The following USP6NL variants were observed in gnomAD, a reference collection of about 807,000 sequenced individuals.
USP6NL encodes USP6 N-terminal-like protein.
USP6NL carries 26 observed loss-of-function variants against 61.9 expected under a neutral mutation model. The ratio of observed to expected loss-of-function variants is 0.42; its 90% CI spans 0.31 to 0.58. The LOEUF (loss-of-function observed/expected upper bound fraction) is 0.58. Ranked by LOEUF, USP6NL falls within the 20% of genes least tolerant of loss-of-function variation. The probability of loss-of-function intolerance (pLI) is 0.16; values close to 1 mark genes in which losing one functional copy is unlikely to be tolerated. For missense variants in USP6NL, 1,114 were observed against 1,034.3 expected (o/e 1.08, Z -1.06); for synonymous variants, 432 against 390.1 (o/e 1.11, Z -1.27).
chr10:11,556,004 G>T (rs923368728), intron 2 of USP6NL, among the ~76,000 whole-genome samples: 1 of 152,104 alleles, frequency 6.6e-6, no homozygotes, highest in African/African-American at 2.4e-5. Context: ...AATAAAAGGG[G>T]TTCTACGAGC....
rs528368257 is a variant in USP6NL at position 11,548,175 on chromosome 10, G to C, written c.5-20608C>G. Reference sequence around the variant, plus strand: ...AACAAAATTAGGCTTTTCCACATGAGAGGCCTGTAAATACAAAACTCTGAC... The same window carrying C: ...AACAAAATTAGGCTTTTCCACATGACAGGCCTGTAAATACAAAACTCTGAC... On this transcript the variant is annotated intron_variant, in intron 2 of 14. Transcript: ENST00000609104. The surrounding 1 kb of genome is among the most constrained non-coding windows in gnomAD (Gnocchi z 4.3). Among the ~76,000 whole-genome samples the C allele has an allele frequency of 1.3e-5, 2 of 152,218 alleles. No individual in the cohort carries two copies. Among genetic ancestry groups the C allele is most frequent in the Admixed American group, 6.5e-5 (1 of 15,282 alleles).
In USP6NL at chr10:11,591,003, A is replaced by G. The variant is rs1300532569; in HGVS notation, c.4+6628T>C. 6.6e-6 allele frequency among the ~76,000 whole-genome samples: 1 copy of G among 152,214 alleles called. No homozygotes were observed. The highest frequency in any genetic ancestry group is 1.5e-5 in the Non-Finnish European group (1 of 68,048). ...ATGAAAATTTTCTCACTGACTTAAC[A>G]GTAAATTTTAAGAGTTAGAAGGCGT... is the stretch of plus-strand genomic sequence containing the variant. On this transcript the variant is annotated intron_variant, in intron 2 of 14. Coordinates refer to ENST00000609104, the MANE Select transcript of USP6NL (RefSeq NM_014688.5). This position sits in a 1 kb window ranked among gnomAD's most constrained non-coding sequence, Gnocchi z 4.7.
intron 6 of USP6NL, among the ~76,000 whole-genome samples, chr10:11,509,280 AGT>A (rs1834595389): frequency 1.3e-5 from 2 of 152,222 alleles, no homozygotes; most frequent in African/African-American, 2.4e-5. Context: ...TGGGGCTGAC[AGT>A]GCAGAAGGCA....
chr10:11,544,013 G>A (rs894389232), intron 2 of USP6NL, among the ~76,000 whole-genome samples: 4 of 151,656 alleles, frequency 2.6e-5, no homozygotes, highest in Non-Finnish European at 5.9e-5. Context: ...GAGTTTCACC[G>A]TGTTAGCCAG....
chr10:11,489,491 G>A lies in USP6NL; in HGVS notation c.544-269C>T, dbSNP rs746914983. Among the ~76,000 whole-genome samples the A allele has an allele frequency of 2.6e-5, 4 of 152,216 alleles. No individual in the cohort carries two copies. The highest frequency in any genetic ancestry group is 6.5e-5 in the Admixed American group (1 of 15,282). On this transcript the variant is annotated intron_variant, in intron 9 of 14. Transcript: ENST00000609104. This position sits in a 1 kb window ranked among gnomAD's most constrained non-coding sequence, Gnocchi z 5.7. ...AATACTGTCACACTTTCTTTAAAGA[G>A]TGATAATATTTATTTCACTTTATGT...
rs895949589 is a variant in USP6NL at position 11,510,397 on chromosome 10, A to T, written c.196-722T>A. Among the ~76,000 whole-genome samples, 24 of 152,250 alleles carry T rather than the reference A, an allele frequency of 1.6e-4. No individual in the cohort carries two copies. Among genetic ancestry groups the T allele is most frequent in the African/African-American group, 5.8e-4 (24 of 41,538 alleles). ...AATGCAATGTGGGAAAGAATGTTCC[A>T]GGCAGCCTTGAGAATGCATGTATTT... On this transcript the variant is annotated intron_variant, in intron 5 of 14. Transcript: ENST00000609104. The surrounding 1 kb of genome is among the most constrained non-coding windows in gnomAD (Gnocchi z 4.8).
At chr10:11,542,127 C>T (rs1836090302) in intron 2 of USP6NL, among the ~76,000 whole-genome samples, 1 of 152,096 alleles carries the variant, frequency 6.6e-6, no homozygotes, top group Admixed American at 6.5e-5. Context: ...ATATAAAGAC[C>T]AGCTTTTCCT....
Position 11,499,636 on chromosome 10 carries a change from G to A in USP6NL, c.384+1465C>T, listed in dbSNP as rs1834088810. ...ACATTCACAGGAGGGAGGATAGCCA[G>A]GTGATAAGGAAGACAGGGATGGAGC... is the stretch of plus-strand genomic sequence containing the variant. On this transcript the variant is annotated intron_variant, in intron 7 of 14. Transcript: ENST00000609104. This position sits in a 1 kb window ranked among gnomAD's most constrained non-coding sequence, Gnocchi z 4.5. Among the ~76,000 whole-genome samples, 1 of 152,302 alleles carries A rather than the reference G, an allele frequency of 6.6e-6. No homozygotes were observed. The highest frequency in any genetic ancestry group is 2.4e-5 in the African/African-American group (1 of 41,564).
At position 11,575,883 on chromosome 10, in the gene USP6NL, T is replaced by A. The variant is rs1336949725; in HGVS notation, c.4+21748A>T. Among the ~76,000 whole-genome samples the A allele has an allele frequency of 6.6e-6, 1 of 152,068 alleles. No homozygotes were observed. The highest frequency in any genetic ancestry group is 1.5e-5 in the Non-Finnish European group (1 of 68,006). Reference sequence around the variant, plus strand: ...ACAAAATGCAAAACAGGATCCCAGATTAGATAGTAGGCCAAAAAGGGTGAG... The same window carrying A: ...ACAAAATGCAAAACAGGATCCCAGAATAGATAGTAGGCCAAAAAGGGTGAG... On this transcript the variant is annotated intron_variant, in intron 2 of 14. Transcript: ENST00000609104. The surrounding 1 kb of genome is among the most constrained non-coding windows in gnomAD (Gnocchi z 4.2).
At chr10:11,524,261 T>C (rs767993279) in intron 4 of USP6NL, among the ~76,000 whole-genome samples, 2 of 152,176 alleles carry the variant, frequency 1.3e-5, no homozygotes, top group Non-Finnish European at 2.9e-5. Context: ...CAGAAGAACA[T>C]TTCAGATAGC....
chr10:11,581,904 C>T (rs1485471641), intron 2 of USP6NL, among the ~76,000 whole-genome samples: 2 of 152,194 alleles, frequency 1.3e-5, no homozygotes, highest in Non-Finnish European at 2.9e-5. Context: ...TCCCCAGTAG[C>T]TGGAATTACA....
intron 7 of USP6NL, among the ~76,000 whole-genome samples, chr10:11,493,859 A>ATCTCTGGGCCTTCTCCTGCCTGTGCG (rs1833804498): frequency 6.8e-6 from 1 of 146,810 alleles, no homozygotes; most frequent in South Asian, 2.2e-4. Context: ...CTGCCTGTGC[A>ATCTCTGGGCCTTCTCCTGCCTGTGCG]GCCTGACCTC....
At position 11,482,004 on chromosome 10, in the gene USP6NL, T is replaced by C. The variant is rs1833218937; in HGVS notation, c.926-82A>G. ...GATATTCTATTATATTCAGGTGTAG[T>C]GTAAAAGGGCATTAAAAAGGGCGCA... On this transcript the variant is annotated intron_variant, in intron 13 of 14. Transcript: ENST00000609104. The surrounding 1 kb of genome is among the most constrained non-coding windows in gnomAD (Gnocchi z 4.0). 2.9e-6 allele frequency: 4 copies of C among 1,384,368 alleles called. No individual in the cohort carries two copies. In the South Asian group the frequency reaches 4.9e-5, roughly 17 times the overall value. 85.8% of individuals were successfully genotyped at this position (1,384,368 alleles called of 1,614,324 possible). A position where few individuals can be genotyped will look rare whatever the true frequency, so the allele number is the denominator to read the frequency against.
At position 11,585,113 on chromosome 10, in the gene USP6NL, A is replaced by T. The variant is rs1231928563; in HGVS notation, c.4+12518T>A. ...CTGTTTTAGAATGATATGATGCAAG[A>T]GAAAATGTAAACAGTGAGTCCATGA... On this transcript the variant is annotated intron_variant, in intron 2 of 14. Transcript: ENST00000609104. The surrounding 1 kb of genome is among the most constrained non-coding windows in gnomAD (Gnocchi z 4.5). Among the ~76,000 whole-genome samples, 1 of 152,238 alleles carries T rather than the reference A, an allele frequency of 6.6e-6. No individual in the cohort carries two copies. The highest frequency in any genetic ancestry group is 1.5e-5 in the Non-Finnish European group (1 of 68,044).
intron 4 of USP6NL, among the ~76,000 whole-genome samples, chr10:11,521,357 T>G (rs999321650): frequency 1.6e-4 from 23 of 147,064 alleles, no homozygotes; most frequent in African/African-American, 5.7e-4. Context: ...TTATATTATA[T>G]ACATATATAT....
Position 11,589,449 on chromosome 10 carries a change from A to G in USP6NL, c.4+8182T>C, listed in dbSNP as rs143279582. On this transcript the variant is annotated intron_variant, in intron 2 of 14. Coordinates refer to ENST00000609104, the MANE Select transcript of USP6NL (RefSeq NM_014688.5). This position sits in a 1 kb window ranked among gnomAD's most constrained non-coding sequence, Gnocchi z 4.7. Reference sequence around the variant, plus strand: ...TACATCTACATATCATAGAAAGACAATAATATAAAATTGTTACCAAAGGAA... The same window carrying G: ...TACATCTACATATCATAGAAAGACAGTAATATAAAATTGTTACCAAAGGAA... Among the ~76,000 whole-genome samples, 70 of 152,344 alleles carry G rather than the reference A, an allele frequency of 4.6e-4. 1 individual carries two copies. Among genetic ancestry groups the G allele is most frequent in the African/African-American group, 1.7e-3 (70 of 41,580 alleles).
intron 2 of USP6NL, among the ~76,000 whole-genome samples, chr10:11,538,399 G>C (rs192948548): frequency 3.9e-5 from 6 of 152,160 alleles, no homozygotes; most frequent in Non-Finnish European, 7.3e-5. Flanking sequence ...CTGAATATAT[G>C]TATTACATGT....
chr10:11,484,681 C>T (rs527302730), intron 13 of USP6NL, among the ~76,000 whole-genome samples: 74 of 152,146 alleles, frequency 4.9e-4, no homozygotes, highest in African/African-American at 1.7e-3. Flanking sequence ...AAATACTTAA[C>T]GAAAAATATT....
Position 11,587,012 on chromosome 10 carries a change from G to C in USP6NL, c.4+10619C>G, listed in dbSNP as rs972668769. On this transcript the variant is annotated intron_variant, in intron 2 of 14. Transcript: ENST00000609104. The surrounding 1 kb of genome is among the most constrained non-coding windows in gnomAD (Gnocchi z 4.5). ...TGTGAGGACAGATTCCCTTGCTCCT[G>C]CAGGAGCAAGGACTCCCTGGATGTC... Among the ~76,000 whole-genome samples, 4 of 152,030 alleles carry C rather than the reference G, an allele frequency of 2.6e-5. No homozygotes were observed. Among genetic ancestry groups the C allele is most frequent in the Non-Finnish European group, 4.4e-5 (3 of 67,996 alleles).
Sources: gnomAD v4.1 joint callset for allele counts (sites outside exome capture counted in the v4.1 genomes callset) on GRCh38, gnomAD v4.1.1 for gene constraint, Gnocchi (gnomAD v3.1) non-coding constraint, MANE v1.5 for transcripts, NCBI Gene and HGNC (gene_info 2026-07-23, HGNC 2026-07-21) for gene names.